STK32B: variants seen among roughly 807,000 people sequenced by gnomAD.
STK32B encodes serine/threonine kinase 32B.
A neutral mutation model predicts 52.6 loss-of-function variants in STK32B; 43 were observed. The observed-to-expected ratio is 0.82, with a 90% CI of 0.64 to 1.05. The LOEUF is 1.05. Ranked by LOEUF, STK32B falls within the 50% of genes least tolerant of loss-of-function variation. STK32B has a pLI of 0.00. For missense variants in STK32B, 621 were observed against 534.6 expected (o/e 1.16, Z -1.59); for synonymous variants, 238 against 204.3 (o/e 1.17, Z -1.41).
intron 1 of STK32B, among the ~76,000 whole-genome samples, chr4:5,115,508 G>T (rs147335161): frequency 3.3e-5 from 5 of 152,340 alleles, no homozygotes; most frequent in Non-Finnish European, 5.9e-5. Flanking sequence ...AAAGACAGAA[G>T]TGTGTCTGGG....
At chr4:5,490,941 T>G (rs1404107207) in intron 11 of STK32B, among the ~76,000 whole-genome samples, 7 of 152,354 alleles carry the variant, frequency 4.6e-5, no homozygotes, top group Admixed American at 4.6e-4. Flanking sequence ...CCATGGTGTA[T>G]ATGTGACACA....
intron 4 of STK32B, among the ~76,000 whole-genome samples, chr4:5,392,561 C>G (rs1021336434): frequency 6.6e-6 from 1 of 151,998 alleles, no homozygotes; most frequent in Non-Finnish European, 1.5e-5. Flanking sequence ...TTTCCCCACC[C>G]ACAGAGAGAG....
intron 3 of STK32B, among the ~76,000 whole-genome samples, chr4:5,287,449 T>A (rs184647691): frequency 6.4e-4 from 97 of 152,002 alleles, no homozygotes; most frequent in African/African-American, 2.2e-3. Context: ...CTTTTGCCCA[T>A]TTTTTTCAGT....
chr4:5,341,694 A>G (rs1468993854), intron 4 of STK32B, among the ~76,000 whole-genome samples: 1 of 152,156 alleles, frequency 6.6e-6, no homozygotes, highest in African/African-American at 2.4e-5. Flanking sequence ...TAATTAGCTC[A>G]TGGTTCTGCG....
At chr4:5,099,447 T>TGCGCGC (rs1553823495) in intron 1 of STK32B, among the ~76,000 whole-genome samples, 4 of 80,574 alleles carry the variant, frequency 5.0e-5, no homozygotes, top group African/African-American at 1.9e-4. Context: ...TGTGTGTGTG[T>TGCGCGC]GTGCGCGCGC....
At chr4:5,263,709 C>A (rs979300735) in intron 3 of STK32B, among the ~76,000 whole-genome samples, 1 of 152,164 alleles carries the variant, frequency 6.6e-6, no homozygotes, top group African/African-American at 2.4e-5. Flanking sequence ...CGTGTGTATT[C>A]AATTGATCAG....
intron 3 of STK32B, among the ~76,000 whole-genome samples, chr4:5,322,280 G>A (rs1249552433): frequency 1.3e-5 from 2 of 152,146 alleles, no homozygotes; most frequent in Non-Finnish European, 2.9e-5. Flanking sequence ...TCAGAAGGCC[G>A]AGCGCTCCAT....
At chr4:5,484,058 T>C (rs1718947406) in intron 11 of STK32B, among the ~76,000 whole-genome samples, 1 of 152,216 alleles carries the variant, frequency 6.6e-6, no homozygotes, top group Non-Finnish European at 1.5e-5. Flanking sequence ...AAAGAATGTA[T>C]ATTCTGTTGA....
chr4:5,116,702 T>G, intron 1 of STK32B, among the ~76,000 whole-genome samples: 1 of 152,242 alleles, frequency 6.6e-6, no homozygotes. Flanking sequence ...GGAATTTTGA[T>G]AGAAATTGCA....
At chr4:5,064,275 ATATT>A (rs200319897) in intron 1 of STK32B, among the ~76,000 whole-genome samples, 1 of 145,616 alleles carries the variant, frequency 6.9e-6, no homozygotes, top group South Asian at 2.1e-4. Flanking sequence ...TATATGATAT[ATATT>A]TATTATATAT....
chr4:5,325,042 A>G (rs1731780285), intron 3 of STK32B, among the ~76,000 whole-genome samples: 1 of 152,186 alleles, frequency 6.6e-6, no homozygotes, highest in Non-Finnish European at 1.5e-5. Flanking sequence ...GCTCTGCTCT[A>G]AATTTATCCT....
At chr4:5,122,872 C>T (rs1715143171) in intron 1 of STK32B, among the ~76,000 whole-genome samples, 1 of 152,062 alleles carries the variant, frequency 6.6e-6, no homozygotes, top group African/African-American at 2.4e-5. Flanking sequence ...TCTGTGCACC[C>T]CTTCTCTGCC....
At chr4:5,195,437 A>T (rs1283316967) in intron 3 of STK32B, among the ~76,000 whole-genome samples, 1 of 152,192 alleles carries the variant, frequency 6.6e-6, no homozygotes, top group African/African-American at 2.4e-5. Flanking sequence ...TCATGTCAGT[A>T]ATCCCAGCAC....
At chr4:5,054,124 G>A (rs911399643) in intron 1 of STK32B, among the ~76,000 whole-genome samples, 1 of 152,156 alleles carries the variant, frequency 6.6e-6, no homozygotes, top group Non-Finnish European at 1.5e-5. Flanking sequence ...GTAAAACAGT[G>A]TTACTTGCCA....
At chr4:5,348,177 C>T (rs964053682) in intron 4 of STK32B, among the ~76,000 whole-genome samples, 1 of 152,134 alleles carries the variant, frequency 6.6e-6, no homozygotes, top group African/African-American at 2.4e-5. Flanking sequence ...CTCAGGGGTC[C>T]AGATTCCCAC....
At chr4:5,308,342 C>T (rs1184242451) in intron 3 of STK32B, among the ~76,000 whole-genome samples, 1 of 152,178 alleles carries the variant, frequency 6.6e-6, no homozygotes, top group Non-Finnish European at 1.5e-5. Flanking sequence ...GAGTGGTTCT[C>T]CACATGCTAC....
intron 3 of STK32B, among the ~76,000 whole-genome samples, chr4:5,169,493 A>G (rs1719166247): frequency 1.3e-5 from 2 of 152,110 alleles, no homozygotes; most frequent in African/African-American, 4.8e-5. Flanking sequence ...TGCCCTGCAC[A>G]CTTAGAAGCA....
intron 3 of STK32B, among the ~76,000 whole-genome samples, chr4:5,261,917 A>G (rs1726736933): frequency 1.3e-5 from 2 of 152,250 alleles, no homozygotes; most frequent in Non-Finnish European, 2.9e-5. Context: ...ATTCAAATGC[A>G]ATTAAAAACT....
At chr4:5,496,301 C>T (rs1720241343) in intron 11 of STK32B, among the ~76,000 whole-genome samples, 1 of 152,212 alleles carries the variant, frequency 6.6e-6, no homozygotes, top group Non-Finnish European at 1.5e-5. Flanking sequence ...CCTCCACCAG[C>T]CTCGCTGCCG....
Sources: allele counts gnomAD v4.1 joint callset (sites outside exome capture counted in the v4.1 genomes callset), GRCh38; gene constraint gnomAD v4.1.1; transcripts MANE v1.5; gene names NCBI Gene and HGNC (gene_info 2026-07-23, HGNC 2026-07-21).